The following CAB39 variants were observed in gnomAD, a reference collection of about 807,000 sequenced individuals.
CAB39 encodes calcium binding protein 39, also known as calcium-binding protein 39.
Under a neutral mutation model 40.0 loss-of-function variants are expected in CAB39, and 8 were observed. The ratio of observed to expected loss-of-function variants is 0.20; its 90% CI spans 0.12 to 0.36. The LOEUF (loss-of-function observed/expected upper bound fraction) is 0.36. CAB39 is among the 10% of genes least tolerant of loss of function. The pLI is 1.00. For synonymous variants in CAB39, 156 were observed against 141.6 expected, an observed-to-expected ratio of 1.10 and a Z score of -0.72; for missense variants, 270 against 401.1, an observed-to-expected ratio of 0.67 and a Z score of 2.79.
At chr2:230,796,706 G>C (rs1298072077) in intron 4 of CAB39, among the ~76,000 whole-genome samples, 1 of 151,980 alleles carries the variant, frequency 6.6e-6, no homozygotes, top group Non-Finnish European at 1.5e-5. Context: ...GATAACAAAT[G>C]AGTACTACAG....
chr2:230,786,192 A>G (rs1053092180), intron 2 of CAB39, among the ~76,000 whole-genome samples: 3 of 144,982 alleles, frequency 2.1e-5, no homozygotes, highest in Admixed American at 6.8e-5. Context: ...AAAAAAAGAG[A>G]TGGAGTCTCA....
intron 1 of CAB39, among the ~76,000 whole-genome samples, chr2:230,733,000 G>A (rs1694721723): frequency 6.6e-6 from 1 of 152,092 alleles, no homozygotes; most frequent in Non-Finnish European, 1.5e-5. Context: ...TTTTCAACCA[G>A]GACTAACAAA....
At chr2:230,791,322 C>T (rs1695889177) in intron 3 of CAB39, among the ~76,000 whole-genome samples, 1 of 152,152 alleles carries the variant, frequency 6.6e-6, no homozygotes, top group Non-Finnish European at 1.5e-5. Flanking sequence ...AAAACAACTG[C>T]TCATTAGAGC....
intron 5 of CAB39, among the ~76,000 whole-genome samples, chr2:230,808,659 G>A (rs1013290122): frequency 6.6e-6 from 1 of 152,196 alleles, no homozygotes; most frequent in African/African-American, 2.4e-5. Context: ...AATATGGCCT[G>A]TTGAATCCTC....
intron 5 of CAB39, among the ~76,000 whole-genome samples, chr2:230,806,654 A>G (rs1487872290): frequency 6.6e-6 from 1 of 152,198 alleles, no homozygotes; most frequent in Non-Finnish European, 1.5e-5. Flanking sequence ...GTGGGGTCCC[A>G]TAGAAAATGG....
chr2:230,818,510 A>G lies in CAB39; in HGVS notation c.838-6A>G. On this transcript the variant is annotated splice_polypyrimidine_tract_variant and splice_region_variant and intron_variant, in intron 8 of 8. Coordinates refer to ENST00000258418, the MANE Select transcript of CAB39 (RefSeq NM_016289.4). ...CTGTGCCTCATGTGCGTTTCTCTCC[A>G]CGCAGGTGTTTGTAGCCAATCCTAA... is the stretch of plus-strand genomic sequence containing the variant. 2.5e-6 allele frequency: 4 copies of G among 1,612,866 alleles called. No individual in the cohort carries two copies. The highest frequency in any genetic ancestry group is 1.3e-5 in the African/African-American group (1 of 74,976).
Position 230,790,922 on chromosome 2 carries a change from T to C in CAB39, c.165T>C (p.Tyr55=). The part of the protein sequence containing the change: ...KNLVAMKEIL[Y]GTNEKEPQTE... Reference sequence around the variant, plus strand: ...TGGTTGCCATGAAAGAAATTCTGTATGGCACAAATGAAAAAGAGCCTCAGA... The same window carrying C: ...TGGTTGCCATGAAAGAAATTCTGTACGGCACAAATGAAAAAGAGCCTCAGA... Residue 55 remains tyrosine (Y), a synonymous_variant, in exon 3 of 9, where the codon TAT becomes TAC. Transcript: ENST00000258418. 5 of 1,613,260 alleles carry C rather than the reference T, an allele frequency of 3.1e-6. No individual in the cohort carries two copies. The highest frequency in any genetic ancestry group is 4.2e-6 in the Non-Finnish European group (5 of 1,179,624).
intron 1 of CAB39, among the ~76,000 whole-genome samples, chr2:230,756,290 C>T (rs1695188751): frequency 1.3e-5 from 2 of 152,186 alleles, no homozygotes; most frequent in Admixed American, 1.3e-4. Flanking sequence ...TAGCCTATTG[C>T]TCTTAGGCTA....
At chr2:230,729,642 A>G (rs1358908518) in intron 1 of CAB39, among the ~76,000 whole-genome samples, 1 of 151,940 alleles carries the variant, frequency 6.6e-6, no homozygotes, top group Non-Finnish European at 1.5e-5. Context: ...AATCCCAGCT[A>G]CTCAGGAGGC....
chr2:230,789,810 C>G (rs1205935139), intron 2 of CAB39, among the ~76,000 whole-genome samples: 1 of 152,194 alleles, frequency 6.6e-6, no homozygotes, highest in Non-Finnish European at 1.5e-5. Flanking sequence ...ATGGAGAACA[C>G]CTCTTCTGGC....
chr2:230,785,248 G>A (rs1479454409), intron 2 of CAB39, among the ~76,000 whole-genome samples: 1 of 152,136 alleles, frequency 6.6e-6, no homozygotes, highest in East Asian at 1.9e-4. Flanking sequence ...TGACATGCAG[G>A]TCAGTGACTA....
intron 1 of CAB39, chr2:230,752,218 A>G (rs2124907884): frequency 6.6e-6 from 1 of 151,462 alleles, no homozygotes; most frequent in Admixed American, 6.6e-5. Context: ...CAAGGATGAC[A>G]CACAAACTTG....
At chr2:230,782,904 C>T (rs1413897547) in intron 2 of CAB39, among the ~76,000 whole-genome samples, 1 of 150,602 alleles carries the variant, frequency 6.6e-6, no homozygotes, top group African/African-American at 2.5e-5. Flanking sequence ...GCTCCGCCTC[C>T]TGGGTTCACG....
intron 2 of CAB39, among the ~76,000 whole-genome samples, chr2:230,767,502 A>G (rs997634575): frequency 7.2e-5 from 11 of 152,208 alleles, no homozygotes; most frequent in Admixed American, 4.6e-4. Context: ...TATATTCCTT[A>G]GAGTAAAAGT....
chr2:230,725,361 T>G (rs922325864), intron 1 of CAB39: 2 of 1,596,176 alleles, frequency 1.3e-6, no homozygotes, highest in Non-Finnish European at 1.7e-6. Context: ...TTCTCCCCCA[T>G]GGGCTCTGCC....
chr2:230,773,316 G>GTGTA (rs1426844656), intron 2 of CAB39, among the ~76,000 whole-genome samples: 3 of 97,546 alleles, frequency 3.1e-5, no homozygotes, highest in African/African-American at 1.3e-4. Context: ...ATATATATAT[G>GTGTA]TGTGTGTGTG....
At chr2:230,739,819 T>TA (rs1360057647) in intron 1 of CAB39, among the ~76,000 whole-genome samples, 1 of 152,238 alleles carries the variant, frequency 6.6e-6, no homozygotes, top group Non-Finnish European at 1.5e-5. Flanking sequence ...TAAATCATGA[T>TA]AAAGTCTTTG....
chr2:230,803,366 C>G (rs1291856709), intron 5 of CAB39, among the ~76,000 whole-genome samples: 1 of 152,238 alleles, frequency 6.6e-6, no homozygotes, highest in Non-Finnish European at 1.5e-5. Flanking sequence ...TGCCCTCTCT[C>G]ACCACTCCTA....
intron 7 of CAB39, among the ~76,000 whole-genome samples, chr2:230,816,094 T>C (rs911419399): frequency 2.0e-5 from 3 of 152,082 alleles, no homozygotes; most frequent in African/African-American, 7.2e-5. Context: ...GCCAACATGG[T>C]GAAACCCTGT....
Sources: gnomAD v4.1 joint callset for allele counts (sites outside exome capture counted in the v4.1 genomes callset) on GRCh38, gnomAD v4.1.1 for gene constraint, MANE v1.5 for transcripts, NCBI Gene and HGNC (gene_info 2026-07-23, HGNC 2026-07-21) for gene names.